ACACB: variants seen among roughly 807,000 people sequenced by gnomAD.
ACACB encodes the protein acetyl-CoA carboxylase beta.
ACACB carries 209 observed loss-of-function variants against 278.8 expected under a neutral mutation model. That is an observed-to-expected ratio of 0.75 (90% CI 0.67 to 0.84). The LOEUF is 0.84. Ranked by LOEUF, ACACB falls within the 40% of genes least tolerant of loss-of-function variation. The pLI is 0.00. For missense variants in ACACB, 2,850 were observed against 3,269.0 expected (o/e 0.87, Z 3.13); for synonymous variants, 1,174 against 1,285.6 (o/e 0.91, Z 1.86).
intron 1 of ACACB, among the ~76,000 whole-genome samples, chr12:109,119,213 G>C (rs1258676176): frequency 2.6e-5 from 4 of 152,142 alleles, no homozygotes; most frequent in African/African-American, 9.7e-5. Context: ...CAAGTCTGCT[G>C]TACTCCAGAA....
intron 1 of ACACB, among the ~76,000 whole-genome samples, chr12:109,118,868 A>C (rs2042470259): frequency 6.6e-6 from 1 of 152,180 alleles, no homozygotes; most frequent in African/African-American, 2.4e-5. Flanking sequence ...TCCTATCCTA[A>C]TAGATCTCTC....
intron 44 of ACACB, among the ~76,000 whole-genome samples, chr12:109,254,781 C>T (rs933106392): frequency 2.1e-5 from 3 of 145,340 alleles, no homozygotes; most frequent in Non-Finnish European, 4.6e-5. Context: ...GTCTCCTCTT[C>T]TTTTTTTTTT....
intron 21 of ACACB, among the ~76,000 whole-genome samples, chr12:109,212,026 C>T (rs1385857264): frequency 6.6e-6 from 1 of 152,214 alleles, no homozygotes; most frequent in African/African-American, 2.4e-5. Flanking sequence ...ACATTCCCAT[C>T]TCCTTGTTCC....
chr12:109,170,793 G>GTT (rs71079532), intron 4 of ACACB, among the ~76,000 whole-genome samples: 3 of 114,824 alleles, frequency 2.6e-5, no homozygotes, highest in African/African-American at 6.1e-5. Flanking sequence ...TTTTGTGTGT[G>GTT]TTTTTTTTTT....
chr12:109,262,331 C>T (rs1284376431), intron 48 of ACACB, 26 bp from the exon 49 acceptor site: 1 of 1,583,828 alleles, frequency 6.3e-7, no homozygotes, highest in Non-Finnish European at 8.7e-7. Flanking sequence ...CTCATATACC[C>T]CCATCCCTGC....
chr12:109,241,213 AC>A lies in ACACB; in HGVS notation c.4956del (p.Asn1653MetfsTer15). ...GSAVPIRLFI[T>X]NESGYYLDIS... ...TGCCGTTCCCATCCGCCTGTTCATC[AC>A]CAATGAGTCGGGCTACTACCTGGAC... On this transcript the variant is annotated frameshift_variant, in exon 36 of 53. Coordinates refer to ENST00000338432, the MANE Select transcript of ACACB (RefSeq NM_001093.4). LOFTEE classifies it high-confidence loss of function. 2 of 1,614,206 alleles carry A rather than the reference AC, an allele frequency of 1.2e-6. No individual in the cohort carries two copies. Among genetic ancestry groups the A allele is most frequent in the Non-Finnish European group, 1.7e-6 (2 of 1,180,038 alleles).
At chr12:109,220,140 A>C (rs1014611535) in intron 24 of ACACB, among the ~76,000 whole-genome samples, 34 of 152,328 alleles carry the variant, frequency 2.2e-4, no homozygotes, top group Admixed American at 1.2e-3. Context: ...AGCCAAGGGA[A>C]GATGGGTGGA....
intron 1 of ACACB, among the ~76,000 whole-genome samples, chr12:109,135,858 G>T (rs940912569): frequency 1.7e-4 from 25 of 147,594 alleles, no homozygotes; most frequent in Admixed American, 2.8e-4. Context: ...CGCCCAGGCT[G>T]GAGTGCAGTG....
chr12:109,171,806 G>A lies in ACACB; in HGVS notation c.927G>A (p.Glu309=). ...VTPEDLKANA[E]YIKMADHYVP... is the part of the protein sequence containing the mutation. ...CTTCTCCCTCCCATTTAATTTCAGA[G>A]TACATCAAGATGGCGGATCATTACG... Residue 309 remains glutamate, a splice_region_variant and synonymous_variant, in exon 5 of 53, where the codon GAG becomes GAA. Transcript: ENST00000338432. 7 of 1,612,050 alleles carry A rather than the reference G, an allele frequency of 4.3e-6. No homozygotes were observed. The highest frequency in any genetic ancestry group is 5.9e-6 in the Non-Finnish European group (7 of 1,178,178).
At chr12:109,228,867 T>C (rs1445109738) in intron 28 of ACACB, among the ~76,000 whole-genome samples, 1 of 152,160 alleles carries the variant, frequency 6.6e-6, no homozygotes. Context: ...TGACTGTAAG[T>C]GATCCCGGAG....
In ACACB at chr12:109,246,360, C is replaced by T; in HGVS notation, c.5483C>T (p.Ala1828Val). Residue 1828 changes from alanine to valine, a missense_variant, in exon 39 of 53, where the codon GCA becomes GTA. Physicochemically the swap from Ala to Val is moderately conservative, Grantham distance 64. Coordinates refer to ENST00000338432, the MANE Select transcript of ACACB (RefSeq NM_001093.4). Reference sequence around the variant, plus strand: ...GAGGGCATTCCCAAAATTTACGTGGCAGCCAACAGTGGCGCCCGTATTGGC... The same window carrying T: ...GAGGGCATTCCCAAAATTTACGTGGTAGCCAACAGTGGCGCCCGTATTGGC... ...RAEGIPKIYVAANSGARIGMA... is the reference protein window; with the variant it reads ...RAEGIPKIYVVANSGARIGMA... The T allele has an allele frequency of 6.2e-7, 1 of 1,613,206 alleles. No individual in the cohort carries two copies. The highest frequency in any genetic ancestry group is 8.5e-7 in the Non-Finnish European group (1 of 1,179,850).
intron 1 of ACACB, among the ~76,000 whole-genome samples, chr12:109,123,318 C>A (rs2042596903): frequency 6.6e-6 from 1 of 152,020 alleles, no homozygotes; most frequent in African/African-American, 2.4e-5. Flanking sequence ...TGTCTTTATC[C>A]TTGAATACTT....
chr12:109,113,428 G>C (rs34259), upstream of ACACB: 40,245 of 152,146 alleles, frequency 0.26, 6,108 homozygotes, highest in African/African-American at 0.42. Context: ...GAGTTAGGGA[G>C]ATCTCTGACA....
Position 109,177,759 on chromosome 12 carries a change from A to G in ACACB, c.1438-1329A>G, listed in dbSNP as rs142339014. ...TTGAATTTCATCTGTTTTTGCACCA[A>G]TGTCCCTTTCCTGTTGCAGGATTCA... On this transcript the variant is annotated intron_variant, in intron 9 of 52. Coordinates refer to ENST00000338432, the MANE Select transcript of ACACB (RefSeq NM_001093.4). 6.6e-5 allele frequency among the ~76,000 whole-genome samples: 10 copies of G among 152,296 alleles called. No homozygotes were observed. The East Asian group carries it at 1.9e-3, about 29-fold the overall frequency.
chr12:109,208,947 G>C (rs1002976220), intron 20 of ACACB, among the ~76,000 whole-genome samples: 1 of 152,182 alleles, frequency 6.6e-6, no homozygotes, highest in Admixed American at 6.5e-5. Context: ...TGCACAGAGA[G>C]GGGGAGTCAG....
At chr12:109,181,442 G>A (rs2044467776) in intron 11 of ACACB, among the ~76,000 whole-genome samples, 1 of 151,824 alleles carries the variant, frequency 6.6e-6, no homozygotes, top group African/African-American at 2.4e-5. Flanking sequence ...TGGCCAGGCT[G>A]GTCTCAAACT....
Position 109,256,196 on chromosome 12 carries a change from A to C in ACACB, c.6223A>C (p.Met2075Leu), listed in dbSNP as rs143974380. The change falls in exon 45 of 53, where the codon ATG (methionine) becomes CTG (leucine). Residue 2075 changes from methionine (M) to leucine (L), a missense_variant. By Grantham distance (15) the Met-to-Leu change is conservative. This residue lies in a region of ACACB where 579 missense variants were observed against 684.6 expected (regional missense o/e 0.85). Coordinates refer to ENST00000338432, the MANE Select transcript of ACACB (RefSeq NM_001093.4). Reference protein sequence around the residue: ...FFDHGSFKEIMAPWAQTVVTG... With the variant: ...FFDHGSFKEILAPWAQTVVTG... ...TGACCACGGCAGTTTCAAGGAAATC[A>C]TGGCACCCTGGGCGCAGACCGTGGT... The C allele has an allele frequency of 1.2e-6, 2 of 1,613,922 alleles. No homozygotes were observed. The highest frequency in any genetic ancestry group is 8.5e-7 in the Non-Finnish European group (1 of 1,179,956).
At chr12:109,144,750 C>CTTTTTTTTTTTTTTTTTTTT (rs770963307) in intron 2 of ACACB, among the ~76,000 whole-genome samples, 4 of 86,772 alleles carry the variant, frequency 4.6e-5, no homozygotes, top group African/African-American at 4.5e-5. Context: ...TTCTTTCTTT[C>CTTTTTTTTTTTTTTTTTTTT]TTTCTTTTTT....
chr12:109,247,317 T>C (rs1294632119), intron 39 of ACACB, among the ~76,000 whole-genome samples: 1 of 152,062 alleles, frequency 6.6e-6, no homozygotes, highest in Non-Finnish European at 1.5e-5. Flanking sequence ...ATACAGAGTA[T>C]GTAAATAGTG....
Sources: allele counts gnomAD v4.1 joint callset (sites outside exome capture counted in the v4.1 genomes callset), GRCh38; gene constraint gnomAD v4.1.1; regional missense constraint gnomAD v4.1.1; transcripts MANE v1.5; gene names NCBI Gene and HGNC (gene_info 2026-07-23, HGNC 2026-07-21).